RPL7: variants seen among roughly 807,000 people sequenced by gnomAD.
The protein encoded by RPL7 is ribosomal protein L7, also known as large ribosomal subunit protein uL30.
For synonymous variants in RPL7, 100 were observed against 102.2 expected (o/e 0.98, Z 0.13); for missense variants, 205 against 301.9 (o/e 0.68, Z 2.38).
rs16938605 is a variant in RPL7 at position 73,293,632 on chromosome 8, G to A, written c.-20C>T. On this transcript the variant is annotated 5_prime_UTR_variant, in exon 1 of 7. Transcript: ENST00000352983. ...CTCCATGGTTCCAGCCGGAAAAAGA[G>A]GAAGTTGGCGCATGCGTACTGTCCA... is the stretch of plus-strand genomic sequence containing the variant. The A allele has an allele frequency of 1.7e-4, 273 of 1,613,522 alleles. No homozygotes were observed. In the East Asian group the frequency reaches 2.4e-3, roughly 14 times the overall value.
chr8:73,290,796 C>T, intron 6 of RPL7, 91 bp from the exon 7 acceptor site: 1 of 456,134 alleles, frequency 2.2e-6, no homozygotes, highest in Non-Finnish European at 3.9e-6. Flanking sequence ...ATTGAGTTTA[C>T]ATTTTTAAGA....
At chr8:73,292,178 T>C in intron 3 of RPL7, 61 bp downstream of exon 3, 1 of 1,443,318 alleles carries the variant, frequency 6.9e-7, no homozygotes, top group Non-Finnish European at 9.5e-7. Flanking sequence ...CTCCCAGAAG[T>C]AATGTGAAGG....
chr8:73,291,687 A>C, intron 4 of RPL7, 26 bp from the exon 5 acceptor site: 1 of 1,589,480 alleles, frequency 6.3e-7, no homozygotes, highest in East Asian at 2.3e-5. Context: ...AAACATAAAT[A>C]AGGTGACCAC....
chr8:73,292,930 G>A (rs1461370575), intron 1 of RPL7, 133 bp from the exon 2 acceptor site: 6 of 624,546 alleles, frequency 9.6e-6, no homozygotes, highest in Admixed American at 3.1e-5. Flanking sequence ...ACTTGCTCTG[G>A]CATGCTACAG....
At chr8:73,291,530 T>C in intron 5 of RPL7, 22 bp downstream of exon 5, 4 of 1,559,904 alleles carry the variant, frequency 2.6e-6, no homozygotes, top group Non-Finnish European at 2.6e-6. Flanking sequence ...TAATACCAAA[T>C]TTTCCCCCAA....
At chr8:73,291,512 G>A (rs893561648) in intron 5 of RPL7, 40 bp downstream of exon 5, 16 of 1,408,586 alleles carry the variant, frequency 1.1e-5, no homozygotes, top group African/African-American at 4.3e-5. Flanking sequence ...AGAAATTATC[G>A]CATGGTCTAA....
chr8:73,292,141 T>C (rs1814112459), intron 3 of RPL7, 98 bp downstream of exon 3: 1 of 1,267,814 alleles, frequency 7.9e-7, no homozygotes, highest in Non-Finnish European at 1.1e-6. Flanking sequence ...CCTAAAATAT[T>C]GTTACTCCGG....
chr8:73,293,290 G>A (rs772935216), intron 1 of RPL7: 1 of 407,282 alleles, frequency 2.5e-6, no homozygotes, highest in Non-Finnish European at 4.5e-6. Context: ...AGCCAAGGAC[G>A]AACACAATTC....
upstream of RPL7, chr8:73,293,665 A>G (rs1814171794): frequency 7.5e-6 from 12 of 1,608,148 alleles, no homozygotes; most frequent in South Asian, 1.2e-4. Context: ...CCACTTAAAG[A>G]CTTCGCGAGA....
Position 73,291,631 on chromosome 8 carries a change from T to C in RPL7, c.459A>G (p.Leu153=), listed in dbSNP as rs1238737028. Reference sequence around the variant, plus strand: ...TTTTGCCATAACCACGCTTGTAGATTAGTTCATTTACTGACTTCAGATTGG... The same window carrying C: ...TTTTGCCATAACCACGCTTGTAGATCAGTTCATTTACTGACTTCAGATTGG... ...GYPNLKSVNE[L]IYKRGYGKIN... is the part of the protein sequence containing the mutation. The change falls in exon 5 of 7, where the codon CTA becomes CTG. Residue 153 remains leucine, a synonymous_variant. Transcript: ENST00000352983. 1.9e-6 allele frequency: 3 copies of C among 1,596,304 alleles called. No homozygotes were observed. The South Asian group carries it at 3.3e-5, about 18-fold the overall frequency.
chr8:73,293,282 C>G (rs1425442954), intron 1 of RPL7: 2 of 394,882 alleles, frequency 5.1e-6, no homozygotes, highest in Non-Finnish European at 4.7e-6. Flanking sequence ...CAAGCACCAG[C>G]CAAGGACGAA....
At chr8:73,291,290 CA>C (rs746218257) in intron 5 of RPL7, 38 bp from the exon 6 acceptor site, 2 of 1,523,360 alleles carry the variant, frequency 1.3e-6, no homozygotes, top group South Asian at 2.4e-5. Context: ...ATTAAAGTTG[CA>C]AAAAGTTTTG....
intron 2 of RPL7, 71 bp downstream of exon 2, chr8:73,292,618 G>T (rs1037942276): frequency 6.1e-5 from 74 of 1,208,696 alleles, no homozygotes; most frequent in Non-Finnish European, 8.8e-5. Context: ...ATCTTGCCAA[G>T]AACATTCACC....
intron 3 of RPL7, 126 bp downstream of exon 3, chr8:73,292,113 C>G (rs1487937433): frequency 8.9e-7 from 1 of 1,122,180 alleles, no homozygotes; most frequent in Non-Finnish European, 1.3e-6. Flanking sequence ...GATCAGCACC[C>G]TCCTTGTTCT....
chr8:73,291,393 G>C (rs934081280), intron 5 of RPL7, 141 bp from the exon 6 acceptor site: 2 of 852,232 alleles, frequency 2.3e-6, no homozygotes, highest in African/African-American at 3.4e-5. Context: ...CAAAGATAAG[G>C]TTCAAGCTAA....
At position 73,293,455 on chromosome 8, in the gene RPL7, C is replaced by A; in HGVS notation, c.14+144G>T. 4.0e-6 allele frequency: 4 copies of A among 1,000,966 alleles called. No individual in the cohort carries two copies. In the South Asian group the frequency reaches 5.7e-5, roughly 14 times the overall value. 62.0% of individuals were successfully genotyped at this position (1,000,966 alleles called of 1,614,324 possible). On this transcript the variant is annotated intron_variant, in intron 1 of 6. Coordinates refer to ENST00000352983, the MANE Select transcript of RPL7 (RefSeq NM_000971.4). ...CCGCATCCCAACCCTAGCCTCAGGT[C>A]CCCACTGGTGTCACACAGCGTTCAC...
At chr8:73,293,041 C>A in intron 1 of RPL7, 1 of 374,394 alleles carries the variant, frequency 2.7e-6, no homozygotes, top group Non-Finnish European at 4.7e-6. Context: ...TTCCCTATTT[C>A]AACCAAGAGG....
chr8:73,291,998 A>AC (rs1814108528), intron 3 of RPL7, 88 bp from the exon 4 acceptor site: 1 of 1,499,324 alleles, frequency 6.7e-7, no homozygotes, highest in Non-Finnish European at 9.2e-7. Flanking sequence ...ATCGAATCCT[A>AC]CCTAAACAGA....
At position 73,290,645 on chromosome 8, in the gene RPL7, A is replaced by G. The variant is rs1205881141; in HGVS notation, c.*62T>C. 1 of 165,948 alleles carries G rather than the reference A, an allele frequency of 6.0e-6. No homozygotes were observed. Among genetic ancestry groups the G allele is most frequent in the Non-Finnish European group, 1.3e-5 (1 of 76,848 alleles). The allele number at this position is 165,948 out of a possible 1,614,324, so 10.3% of individuals were successfully genotyped here. The stretch of plus-strand genomic sequence containing the variant: ...AATCACAAATACAACAATATATTTC[A>G]ATTTGAGAGCAGGTACTGTTTATTA... On this transcript the variant is annotated 3_prime_UTR_variant, in exon 7 of 7. Coordinates refer to ENST00000352983, the MANE Select transcript of RPL7 (RefSeq NM_000971.4).
Sources: gnomAD v4.1 joint callset for allele counts on GRCh38, gnomAD v4.1.1 for gene constraint, MANE v1.5 for transcripts, NCBI Gene and HGNC (gene_info 2026-07-23, HGNC 2026-07-21) for gene names.